MAML2: variants seen among roughly 807,000 people sequenced by gnomAD.
MAML2 encodes the protein mastermind like transcriptional coactivator 2.
MAML2 carries 22 observed loss-of-function variants against 96.1 expected under a neutral mutation model. That is an observed-to-expected ratio of 0.23 (90% CI 0.16 to 0.33). MAML2 has a LOEUF of 0.33. MAML2 is among the 10% of genes least tolerant of loss of function. MAML2 has a pLI of 1.00. For synonymous variants in MAML2, 561 were observed against 521.3 expected (o/e 1.08, Z -1.04); for missense variants, 1,367 against 1,392.4 (o/e 0.98, Z 0.29).
chr11:96,304,187 G>A (rs1055459677), intron 1 of MAML2, among the ~76,000 whole-genome samples: 18 of 152,132 alleles, frequency 1.2e-4, no homozygotes, highest in African/African-American at 4.1e-4. Flanking sequence ...AGATTCTGAG[G>A]AGGGGACACT....
At chr11:96,213,998 C>A (rs1023886451) in intron 1 of MAML2, among the ~76,000 whole-genome samples, 1 of 152,084 alleles carries the variant, frequency 6.6e-6, no homozygotes, top group Non-Finnish European at 1.5e-5. Flanking sequence ...GACACAAATG[C>A]CCAACTACAA....
chr11:96,337,820 C>T (rs1300910835), intron 1 of MAML2, among the ~76,000 whole-genome samples: 2 of 152,176 alleles, frequency 1.3e-5, no homozygotes, highest in African/African-American at 2.4e-5. Context: ...TTTGGCAGTG[C>T]TTAATTTTTC....
rs530566645 is a variant in MAML2, at chr11:96,219,695, G to A, written c.513+121688C>T. Among the ~76,000 whole-genome samples the A allele has an allele frequency of 2.6e-5, 4 of 152,108 alleles. No homozygotes were observed. The South Asian group carries it at 6.2e-4, about 24-fold the overall frequency. On this transcript the variant is annotated intron_variant, in intron 1 of 4. Coordinates refer to ENST00000524717, the MANE Select transcript of MAML2 (RefSeq NM_032427.4). ...GGCTGGAGTGCAGTGGCACAAGCTC[G>A]GCTCACTGCAACTCCACCCTCCTGG...
chr11:96,087,883 C>T (rs1008926123), intron 2 of MAML2, among the ~76,000 whole-genome samples: 31 of 152,134 alleles, frequency 2.0e-4, no homozygotes, highest in Admixed American at 1.8e-3. Context: ...TTGGAAAAGG[C>T]GTTTCCAGCT....
chr11:96,112,615 T>C (rs1488464020), intron 1 of MAML2, among the ~76,000 whole-genome samples: 9 of 152,252 alleles, frequency 5.9e-5, no homozygotes, highest in African/African-American at 2.2e-4. Flanking sequence ...GAGACCATTC[T>C]TCCCTCCCCT....
chr11:96,342,560 C>T lies in MAML2; in HGVS notation c.-665G>A. On this transcript the variant is annotated 5_prime_UTR_variant, in exon 1 of 5. Transcript: ENST00000524717. ...TCTTTTGGCTTTTAATTTTTCCTCC[C>T]TTTCCTTTCGCTCCGGTGTTTTCTC... 5.0e-6 allele frequency: 2 copies of T among 396,576 alleles called. No individual in the cohort carries two copies. Among genetic ancestry groups the T allele is most frequent in the Non-Finnish European group, 8.9e-6 (2 of 225,276 alleles). The allele number at this position is 396,576 out of a possible 1,614,324, so 24.6% of individuals were successfully genotyped here. A position where few individuals can be genotyped will look rare whatever the true frequency, so the allele number is the denominator to read the frequency against.
chr11:96,324,439 T>C (rs1420355502), intron 1 of MAML2, among the ~76,000 whole-genome samples: 4 of 152,230 alleles, frequency 2.6e-5, no homozygotes, highest in Non-Finnish European at 5.9e-5. Flanking sequence ...ATTTCACATT[T>C]GGTGTACAAT....
At chr11:96,051,020 A>C (rs576690684) in intron 2 of MAML2, among the ~76,000 whole-genome samples, 4 of 151,124 alleles carry the variant, frequency 2.6e-5, no homozygotes, top group African/African-American at 4.8e-5. Context: ...GAGCCTAAGA[A>C]ATCCCCCTGC....
chr11:96,286,116 C>T (rs1863136058), intron 1 of MAML2, among the ~76,000 whole-genome samples: 1 of 152,144 alleles, frequency 6.6e-6, no homozygotes, highest in South Asian at 2.1e-4. Context: ...AAATGTGGTA[C>T]ATATTCACCA....
chr11:96,116,340 A>G (rs922214541), intron 1 of MAML2, among the ~76,000 whole-genome samples: 15 of 152,290 alleles, frequency 9.8e-5, no homozygotes, highest in Non-Finnish European at 2.1e-4. Context: ...GGGATGACTG[A>G]CAAGAGACGA....
chr11:96,101,954 T>C (rs1332503074), intron 1 of MAML2, among the ~76,000 whole-genome samples: 1 of 152,146 alleles, frequency 6.6e-6, no homozygotes, highest in Non-Finnish European at 1.5e-5. Flanking sequence ...TAGCTAAAGC[T>C]CAAAAAGAGC....
At chr11:96,137,689 G>A (rs1860657901) in intron 1 of MAML2, among the ~76,000 whole-genome samples, 1 of 152,224 alleles carries the variant, frequency 6.6e-6, no homozygotes. Context: ...GTGTCTGAAA[G>A]ACGGTGGGCA....
Position 96,341,815 on chromosome 11 carries a change from T to C in MAML2, c.81A>G (p.Ser27=). 1 of 1,597,408 alleles carries C rather than the reference T, an allele frequency of 6.3e-7. No individual in the cohort carries two copies. Among genetic ancestry groups the C allele is most frequent in the Non-Finnish European group, 8.5e-7 (1 of 1,174,714 alleles). The change falls in exon 1 of 5, where the codon TCA becomes TCG. Residue 27 remains serine, a synonymous_variant. Transcript: ENST00000524717. ...TAGCACTGTGCACTCTCGGGGTGAC[T>C]GAGCCCCCTCCAAGGAGCCCCGCCC... ...ASGAGLLGGG[S]VTPRVHSAIV...
intron 2 of MAML2, among the ~76,000 whole-genome samples, chr11:96,079,067 A>T (rs181701232): frequency 6.7e-4 from 102 of 152,354 alleles, no homozygotes; most frequent in Non-Finnish European, 1.1e-3. Context: ...TTGGCATAAA[A>T]ACCAAAATTC....
intron 1 of MAML2, among the ~76,000 whole-genome samples, chr11:96,327,563 G>A (rs1041118438): frequency 6.6e-5 from 10 of 151,932 alleles, no homozygotes; most frequent in African/African-American, 2.4e-4. Flanking sequence ...ACAGGTACCT[G>A]CCACTGTGTC....
intron 1 of MAML2, among the ~76,000 whole-genome samples, chr11:96,198,845 A>G (rs1565245826): frequency 6.6e-6 from 1 of 152,226 alleles, no homozygotes; most frequent in Non-Finnish European, 1.5e-5. Context: ...GGGGTGACAG[A>G]GTGACTAAGA....
intron 1 of MAML2, among the ~76,000 whole-genome samples, chr11:96,165,712 A>G (rs995049361): frequency 1.3e-5 from 2 of 152,242 alleles, no homozygotes; most frequent in Non-Finnish European, 2.9e-5. Flanking sequence ...GAGGTTATAC[A>G]TAATTACGCT....
chr11:96,121,789 T>TTTTTTTTTTTTTTTTG, intron 1 of MAML2, among the ~76,000 whole-genome samples: 1 of 86,550 alleles, frequency 1.2e-5, no homozygotes, highest in Non-Finnish European at 2.3e-5. Flanking sequence ...GATTTTTTTT[T>TTTTTTTTTTTTTTTTG]TTTTTTTTTT....
intron 1 of MAML2, among the ~76,000 whole-genome samples, chr11:96,197,072 A>T (rs537506821): frequency 6.6e-6 from 1 of 152,296 alleles, no homozygotes; most frequent in Non-Finnish European, 1.5e-5. Flanking sequence ...GAAAAGGCAG[A>T]GATGGGTGGC....
Sources: allele counts gnomAD v4.1 joint callset (sites outside exome capture counted in the v4.1 genomes callset), GRCh38; gene constraint gnomAD v4.1.1; transcripts MANE v1.5; gene names NCBI Gene and HGNC (gene_info 2026-07-23, HGNC 2026-07-21).